The following ADARB1 variants were observed in gnomAD, a reference collection of about 807,000 sequenced individuals.
ADARB1 encodes the protein adenosine deaminase RNA specific B1.
Under a neutral mutation model 52.4 loss-of-function variants are expected in ADARB1, and 10 were observed. The ratio of observed to expected loss-of-function variants is 0.19; its 90% confidence interval spans 0.12 to 0.32. The LOEUF (loss-of-function observed/expected upper bound fraction) is 0.32. Ranked by LOEUF, ADARB1 falls within the 10% of genes least tolerant of loss-of-function variation. ADARB1 has a pLI of 1.00. For synonymous variants in ADARB1, 349 were observed against 371.1 expected, an observed-to-expected ratio of 0.94 and a Z score of 0.68; for missense variants, 643 against 922.3, an observed-to-expected ratio of 0.70 and a Z score of 3.92.
chr21:45,113,297 C>T (rs766663708), intron 1 of ADARB1, among the ~76,000 whole-genome samples: 1 of 152,008 alleles, frequency 6.6e-6, no homozygotes, highest in Non-Finnish European at 1.5e-5. Context: ...GTGTTGCACA[C>T]CTGTAGTCCC....
At position 45,224,753 on chromosome 21, in the gene ADARB1, C is replaced by A; in HGVS notation, c.*2556C>A. 1 of 928,446 alleles carries A rather than the reference C, an allele frequency of 1.1e-6. No homozygotes were observed. Among genetic ancestry groups the A allele is most frequent in the Non-Finnish European group, 1.2e-6 (1 of 803,150 alleles). The allele number at this position is 928,446 out of a possible 1,614,324, so 57.5% of individuals were successfully genotyped here. ...GGGGCGGCTGTGGGGAGGAAGGTGA[C>A]GTGCAGGGGACCAGAGGCTCTGCAC... On this transcript the variant is annotated 3_prime_UTR_variant, in exon 11 of 11. Coordinates refer to ENST00000348831, the MANE Select transcript of ADARB1 (RefSeq NM_001112.4).
Position 45,172,952 on chromosome 21 carries a change from G to C in ADARB1, c.28+1268G>C, listed in dbSNP as rs2091546523. ...CAAGTTTGTGACAAGTTTTAAGAGA[G>C]AGGTTACGTCCATACTCCTCATTTG... On this transcript the variant is annotated intron_variant, in intron 3 of 10. Coordinates refer to ENST00000348831, the MANE Select transcript of ADARB1 (RefSeq NM_001112.4). This position sits in a 1 kb window ranked among gnomAD's most constrained non-coding sequence, Gnocchi z 4.4. Among the ~76,000 whole-genome samples, 1 of 152,234 alleles carries C rather than the reference G, an allele frequency of 6.6e-6. No individual in the cohort carries two copies. Among genetic ancestry groups the C allele is most frequent in the Non-Finnish European group, 1.5e-5 (1 of 68,044 alleles).
chr21:45,209,891 A>G (rs533422827), intron 9 of ADARB1, among the ~76,000 whole-genome samples: 52 of 152,364 alleles, frequency 3.4e-4, no homozygotes, highest in African/African-American at 1.2e-3. Context: ...GCTGCTGAGC[A>G]GAACTCACAG....
Position 45,220,955 on chromosome 21 carries a change from C to T in ADARB1, c.1867C>T (p.Arg623Cys), listed in dbSNP as rs959602587. 1.3e-5 allele frequency: 21 copies of T among 1,613,174 alleles called. No individual in the cohort carries two copies. The highest frequency in any genetic ancestry group is 2.2e-5 in the South Asian group (2 of 91,088). Residue 623 changes from arginine (R) to cysteine (C), a missense_variant, in exon 10 of 11, where the codon CGC becomes TGC. By Grantham distance (180) the Arg-to-Cys change is radical. Transcript: ENST00000348831. This position sits in a 1 kb window ranked among gnomAD's most constrained non-coding sequence, Gnocchi z 6.3. The part of the protein sequence containing the change: ...NATTGKDELG[R>C]ASRLCKHALY... ...CACGACTGGGAAGGATGAGCTGGGCCGCGCGTCCCGCCTGTGTAAGCACGC... is the reference window on the plus strand; with the variant it reads ...CACGACTGGGAAGGATGAGCTGGGCTGCGCGTCCCGCCTGTGTAAGCACGC...
At chr21:45,080,158 A>C (rs2086098001) in intron 1 of ADARB1, among the ~76,000 whole-genome samples, 1 of 152,078 alleles carries the variant, frequency 6.6e-6, no homozygotes, top group Non-Finnish European at 1.5e-5. Flanking sequence ...AATAGAGTAG[A>C]GGTGGGAACA....
intron 2 of ADARB1, chr21:45,134,689 A>ATTT (rs11369444): frequency 3.0e-4 from 122 of 407,568 alleles, no homozygotes; most frequent in South Asian, 3.6e-4. Flanking sequence ...ACTTGCACAG[A>ATTT]TTTTTTTTTT....
At chr21:45,205,320 G>A (rs938371888) in intron 9 of ADARB1, among the ~76,000 whole-genome samples, 1 of 152,200 alleles carries the variant, frequency 6.6e-6, no homozygotes, top group Middle Eastern at 3.2e-3. Context: ...ATTATGACTG[G>A]GCTGGGCACC....
intron 1 of ADARB1, among the ~76,000 whole-genome samples, chr21:45,119,765 T>C (rs2088052235): frequency 6.6e-6 from 1 of 152,228 alleles, no homozygotes; most frequent in Non-Finnish European, 1.5e-5. Flanking sequence ...AGGGTACTTA[T>C]AAGTTGTTGA....
intron 9 of ADARB1, among the ~76,000 whole-genome samples, chr21:45,211,804 C>A (rs1326584579): frequency 1.3e-5 from 2 of 152,216 alleles, no homozygotes; most frequent in South Asian, 4.1e-4. Flanking sequence ...TAACTCATTA[C>A]CCTAGTTCCC....
intron 2 of ADARB1, among the ~76,000 whole-genome samples, chr21:45,156,759 T>C (rs2090678983): frequency 6.6e-6 from 1 of 152,076 alleles, no homozygotes; most frequent in African/African-American, 2.4e-5. Context: ...GGTTTGAACA[T>C]GCTTAGGGAA....
At chr21:45,196,172 A>C (rs1463785627) in intron 8 of ADARB1, among the ~76,000 whole-genome samples, 1 of 152,164 alleles carries the variant, frequency 6.6e-6, no homozygotes, top group East Asian at 1.9e-4. Context: ...TTGTGTTTTT[A>C]ATTTCCAATT....
chr21:45,151,995 G>T (rs754277515), intron 2 of ADARB1, among the ~76,000 whole-genome samples: 2 of 152,214 alleles, frequency 1.3e-5, no homozygotes, highest in Non-Finnish European at 2.9e-5. Flanking sequence ...TCCGAGACAC[G>T]TGAGTTAAGA....
intron 2 of ADARB1, chr21:45,152,549 C>G (rs1200159401): frequency 6.4e-6 from 2 of 312,058 alleles, no homozygotes; most frequent in Non-Finnish European, 1.4e-5. Flanking sequence ...TGCTGCTGCC[C>G]CGAGTGACTG....
intron 1 of ADARB1, among the ~76,000 whole-genome samples, chr21:45,098,723 C>A (rs900577627): frequency 1.3e-5 from 2 of 152,210 alleles, no homozygotes; most frequent in African/African-American, 4.8e-5. Context: ...GAGTGCTAGG[C>A]AGGAGCTGGA....
intron 9 of ADARB1, among the ~76,000 whole-genome samples, chr21:45,209,036 C>G (rs2092718956): frequency 1.3e-5 from 2 of 152,146 alleles, no homozygotes; most frequent in South Asian, 4.1e-4. Flanking sequence ...TCTATTCTGA[C>G]CAGTGGTTAC....
rs1235086001 is a variant in ADARB1 at position 45,223,423 on chromosome 21, C to T, written c.*1226C>T. 18 of 985,682 alleles carry T rather than the reference C, an allele frequency of 1.8e-5. No homozygotes were observed. The highest frequency in any genetic ancestry group is 5.2e-4 in the Middle Eastern group (1 of 1,936). The allele number at this position is 985,682 out of a possible 1,614,324, so 61.1% of individuals were successfully genotyped here. On this transcript the variant is annotated 3_prime_UTR_variant, in exon 11 of 11. Coordinates refer to ENST00000348831, the MANE Select transcript of ADARB1 (RefSeq NM_001112.4). ...GGGAGTCAGCCCGGGAGGTCAGGAG[C>T]GCGGCGGGCGAGGGCCCTGTGTGGA...
chr21:45,167,035 G>T (rs550924097), intron 2 of ADARB1, among the ~76,000 whole-genome samples: 1 of 152,322 alleles, frequency 6.6e-6, no homozygotes, highest in African/African-American at 2.4e-5. Flanking sequence ...GCTTGCATGT[G>T]CTGTTTTGCT....
Position 45,224,488 on chromosome 21 carries a change from G to A in ADARB1, c.*2291G>A. On this transcript the variant is annotated 3_prime_UTR_variant, in exon 11 of 11. Transcript: ENST00000348831. ...CAGCCAAGGCAACTGGGTTCTGGGA[G>A]CCCTGGGTGGGGCAGCTGTGGGGAG... 1 of 1,009,650 alleles carries A rather than the reference G, an allele frequency of 9.9e-7. No individual in the cohort carries two copies. The highest frequency in any genetic ancestry group is 1.8e-5 in the African/African-American group (1 of 55,922). 62.5% of individuals were successfully genotyped at this position (1,009,650 alleles called of 1,614,324 possible).
chr21:45,194,820 C>T (rs2092389122), intron 8 of ADARB1, among the ~76,000 whole-genome samples: 1 of 152,188 alleles, frequency 6.6e-6, no homozygotes, highest in Admixed American at 6.5e-5. Context: ...TATTCATTCA[C>T]TTCCTGAAGG....
Sources: gnomAD v4.1 joint callset for allele counts (sites outside exome capture counted in the v4.1 genomes callset) on GRCh38, gnomAD v4.1.1 for gene constraint, Gnocchi (gnomAD v3.1) non-coding constraint, MANE v1.5 for transcripts, NCBI Gene and HGNC (gene_info 2026-07-23, HGNC 2026-07-21) for gene names.